DIPK1A: variants seen among roughly 807,000 people sequenced by gnomAD.
DIPK1A encodes the protein family with sequence similarity 69 member A.
A neutral mutation model predicts 40.8 loss-of-function variants in DIPK1A; 27 were observed. That is an observed-to-expected ratio of 0.66 (90% CI 0.49 to 0.91). The LOEUF is 0.91. Ranked by LOEUF, DIPK1A falls within the 40% of genes least tolerant of loss-of-function variation. The probability of loss-of-function intolerance (pLI) is 0.00; values close to 1 mark genes in which losing one functional copy is unlikely to be tolerated. For synonymous variants in DIPK1A, 166 were observed against 171.3 expected (o/e 0.97, Z 0.24); for missense variants, 412 against 505.7 (o/e 0.81, Z 1.78).
chr1:92,936,629 CAAA>C (rs754629896), intron 1 of DIPK1A, among the ~76,000 whole-genome samples: 4 of 102,242 alleles, frequency 3.9e-5, no homozygotes, highest in Non-Finnish European at 4.1e-5. Context: ...AACTCCGTCT[CAAA>C]AAAAAAAAAA....
intron 1 of DIPK1A, among the ~76,000 whole-genome samples, chr1:92,960,300 G>A (rs76234228): frequency 0.024 from 3,705 of 152,182 alleles, 123 homozygotes; most frequent in African/African-American, 0.076. Context: ...AAAAATGTAA[G>A]ATTTACTTGC....
chr1:92,846,585 A>G (rs12746956), intron 4 of DIPK1A: 85,735 of 427,118 alleles, frequency 0.2, 9,857 homozygotes, highest in Non-Finnish European at 0.25. Flanking sequence ...TTTAGCTATC[A>G]TAAATAATGT....
intron 1 of DIPK1A, among the ~76,000 whole-genome samples, chr1:92,938,501 T>C (rs1357484634): frequency 2.7e-5 from 4 of 148,408 alleles, no homozygotes; most frequent in Non-Finnish European, 5.9e-5. Flanking sequence ...TTGATTCCTC[T>C]AAGGCAACTC....
At chr1:92,840,036 T>TA (rs1408462724), downstream of DIPK1A, among the ~76,000 whole-genome samples, 1 of 150,714 alleles carries the variant, frequency 6.6e-6, no homozygotes, top group Admixed American at 6.6e-5. Context: ...TAATTTTTGG[T>TA]AGAGATGAGG....
chr1:92,947,199 ATACT>A (rs1484649466), intron 1 of DIPK1A, among the ~76,000 whole-genome samples: 1 of 152,192 alleles, frequency 6.6e-6, no homozygotes, highest in Non-Finnish European at 1.5e-5. Context: ...AGGCGGGGAA[ATACT>A]TATAATAATA....
chr1:92,851,239 C>T (rs1027554900), intron 2 of DIPK1A, among the ~76,000 whole-genome samples: 2 of 152,016 alleles, frequency 1.3e-5, no homozygotes, highest in Admixed American at 6.6e-5. Context: ...GGCACTCTAT[C>T]TTTAAAAATG....
chr1:92,834,787 T>C lies in DIPK1A; in HGVS notation c.475-1753A>G, dbSNP rs1553121896. 5 of 1,613,266 alleles carry C rather than the reference T, an allele frequency of 3.1e-6. No individual in the cohort carries two copies. Among genetic ancestry groups the C allele is most frequent in the Middle Eastern group, 1.8e-4 (1 of 5,616 alleles). ...TTTCTCTCTTACTATAGATTGCTTA[T>C]GCCCGTATAGAGGGGGATATGATAG... On this transcript the variant is annotated intron_variant, in intron 4 of 4. Coordinates refer to the DIPK1A transcript ENST00000615519.
chr1:92,938,466 AC>A (rs1404199271), intron 1 of DIPK1A, among the ~76,000 whole-genome samples: 5 of 126,148 alleles, frequency 4.0e-5, no homozygotes, highest in Admixed American at 8.1e-5. Context: ...CGAGACCTTT[AC>A]TAAAAAAAAA....
intron 1 of DIPK1A, among the ~76,000 whole-genome samples, chr1:92,954,610 A>G (rs1003583939): frequency 4.6e-5 from 7 of 151,942 alleles, no homozygotes; most frequent in Non-Finnish European, 1.0e-4. Context: ...CCTGACCTCA[A>G]GTGATCCACC....
At chr1:92,940,331 G>A (rs1212595880) in intron 1 of DIPK1A, among the ~76,000 whole-genome samples, 2 of 152,048 alleles carry the variant, frequency 1.3e-5, no homozygotes, top group Non-Finnish European at 2.9e-5. Flanking sequence ...ACATCTGTCC[G>A]AGCACATCCC....
At chr1:92,918,448 C>T (rs1557484497) in intron 1 of DIPK1A, among the ~76,000 whole-genome samples, 1 of 152,190 alleles carries the variant, frequency 6.6e-6, no homozygotes, top group Non-Finnish European at 1.5e-5. Flanking sequence ...TGTGCCTGGC[C>T]AGGAGCCATT....
intron 2 of DIPK1A, among the ~76,000 whole-genome samples, chr1:92,862,975 T>C (rs1647348566): frequency 6.6e-6 from 1 of 152,252 alleles, no homozygotes; most frequent in Admixed American, 6.5e-5. Flanking sequence ...CTGCTTAGGA[T>C]ACACTTATGC....
chr1:92,869,327 A>C (rs984470105), intron 2 of DIPK1A, among the ~76,000 whole-genome samples: 4 of 151,822 alleles, frequency 2.6e-5, no homozygotes, highest in African/African-American at 9.7e-5. Flanking sequence ...TGCCCAGCTA[A>C]CTTTTTATTT....
At chr1:92,889,898 C>T (rs1648780272) in intron 1 of DIPK1A, among the ~76,000 whole-genome samples, 2 of 152,164 alleles carry the variant, frequency 1.3e-5, no homozygotes, top group African/African-American at 4.8e-5. Flanking sequence ...AATGTGCCTG[C>T]CTTGGCCTCC....
In DIPK1A at chr1:92,947,101, G is replaced by A. The variant is rs376290418; in HGVS notation, c.54+14275C>T. On this transcript the variant is annotated intron_variant, in intron 1 of 4. Coordinates refer to ENST00000370310, the MANE Select transcript of DIPK1A (RefSeq NM_001006605.5). ...TTATTTCTATTCTATGTAAAACTAC[G>A]ACTATACTCATCTATTATATGTATA... Among the ~76,000 whole-genome samples the A allele has an allele frequency of 4.6e-5, 7 of 152,014 alleles. No individual in the cohort carries two copies. The East Asian group carries it at 9.6e-4, about 21-fold the overall frequency.
At chr1:92,837,454 A>C (rs1687174759), downstream of DIPK1A, 1 of 1,612,398 alleles carries the variant, frequency 6.2e-7, no homozygotes, top group Non-Finnish European at 8.5e-7. Context: ...ACTTTATTTT[A>C]GTACCAAACG....
intron 1 of DIPK1A, among the ~76,000 whole-genome samples, chr1:92,889,319 T>C (rs1417222844): frequency 6.6e-6 from 1 of 152,214 alleles, no homozygotes; most frequent in Non-Finnish European, 1.5e-5. Flanking sequence ...TAGCTGTTTA[T>C]TTCTGGGTTC....
At position 92,876,541 on chromosome 1, in the gene DIPK1A, C is replaced by T. The variant is rs935855224; in HGVS notation, c.55-111G>A. On this transcript the variant is annotated intron_variant, in intron 1 of 4. Coordinates refer to ENST00000370310, the MANE Select transcript of DIPK1A (RefSeq NM_001006605.5). ...GGAACAACTCAATATATATTCCAGG[C>T]TTTTATATGGCAATTCTAGAACAAA... The T allele has an allele frequency of 3.5e-6, 4 of 1,134,806 alleles. No individual in the cohort carries two copies. In the Admixed American group the frequency reaches 7.8e-5, roughly 22 times the overall value. The allele number at this position is 1,134,806 out of a possible 1,614,324, so 70.3% of individuals were successfully genotyped here. A position where few individuals can be genotyped will look rare whatever the true frequency, so the allele number is the denominator to read the frequency against.
Position 92,886,195 on chromosome 1 carries a change from G to A in DIPK1A, c.55-9765C>T, listed in dbSNP as rs78681183. On this transcript the variant is annotated intron_variant, in intron 1 of 4. Transcript: ENST00000370310. ...AAAAAATAAAAAATTACCCAGGCAC[G>A]GTGGCTTGCACCTGTAGTCCCAGGT... Among the ~76,000 whole-genome samples, 649 of 152,038 alleles carry A rather than the reference G, an allele frequency of 4.3e-3. 3 individuals are homozygous for A. Among genetic ancestry groups the A allele is most frequent in the Middle Eastern group, 0.014 (4 of 294 alleles).
Sources: allele counts gnomAD v4.1 joint callset (sites outside exome capture counted in the v4.1 genomes callset), GRCh38; gene constraint gnomAD v4.1.1; transcripts MANE v1.5; gene names NCBI Gene and HGNC (gene_info 2026-07-23, HGNC 2026-07-21).